The following RALA variants were observed in gnomAD, a reference collection of about 807,000 sequenced individuals.
RALA encodes RAS like proto-oncogene A.
Under a neutral mutation model 24.0 loss-of-function variants are expected in RALA, and 5 were observed. The ratio of observed to expected loss-of-function variants is 0.21; its 90% CI spans 0.11 to 0.44. The LOEUF is 0.44. RALA is among the 20% of genes least tolerant of loss of function. The probability of loss-of-function intolerance (pLI) is 0.99; values close to 1 mark genes in which losing one functional copy is unlikely to be tolerated. For missense variants in RALA, 95 were observed against 241.2 expected (o/e 0.39, Z 4.01); for synonymous variants, 77 against 83.8 (o/e 0.92, Z 0.44).
intron 3 of RALA, 27 bp downstream of exon 3, chr7:39,690,617 T>C: frequency 6.5e-7 from 1 of 1,534,726 alleles, no homozygotes; most frequent in Non-Finnish European, 8.9e-7. Context: ...TGTTGTTGCT[T>C]GTGACATACT....
intron 1 of RALA, among the ~76,000 whole-genome samples, chr7:39,625,749 A>G (rs921611165): frequency 1.3e-5 from 2 of 152,216 alleles, no homozygotes; most frequent in Admixed American, 6.5e-5. Flanking sequence ...CTTGTCTACC[A>G]TTTGTGAGGG....
At chr7:39,700,230 T>C (rs1793001399) in intron 4 of RALA, 1 of 152,284 alleles carries the variant, frequency 6.6e-6, no homozygotes, top group Non-Finnish European at 1.5e-5. Flanking sequence ...ATTCTGCTTA[T>C]ACATTCTGTG....
At chr7:39,679,745 C>T (rs1268177273) in intron 1 of RALA, among the ~76,000 whole-genome samples, 3 of 151,896 alleles carry the variant, frequency 2.0e-5, no homozygotes, top group Admixed American at 6.6e-5. Context: ...GACAGACTCT[C>T]TGTTGCCCAG....
intron 4 of RALA, chr7:39,700,864 A>G (rs1228871581): frequency 6.6e-6 from 1 of 152,240 alleles, no homozygotes; most frequent in Non-Finnish European, 1.5e-5. Flanking sequence ...TGATTACCAG[A>G]TAAAGTACCT....
chr7:39,700,321 T>C (rs1793002956), intron 4 of RALA: 1 of 152,184 alleles, frequency 6.6e-6, no homozygotes. Flanking sequence ...AAGCTTCAAG[T>C]CTAGGCACTG....
At chr7:39,701,078 A>T (rs1377111416) in intron 4 of RALA, 1 of 152,212 alleles carries the variant, frequency 6.6e-6, no homozygotes, top group African/African-American at 2.4e-5. Flanking sequence ...TCTGATGCTC[A>T]CTTTTTAGAC....
In RALA at chr7:39,651,223, A is replaced by G. The variant is rs993735266; in HGVS notation, c.-38+27398A>G. Reference sequence around the variant, plus strand: ...GTAAGCTAATATAAGTCTTCTGAGCATGTTCAGGGTAGGCTAGGTGTATTA... The same window carrying G: ...GTAAGCTAATATAAGTCTTCTGAGCGTGTTCAGGGTAGGCTAGGTGTATTA... On this transcript the variant is annotated intron_variant, in intron 1 of 4. Transcript: ENST00000005257. 1.5e-4 allele frequency among the ~76,000 whole-genome samples: 23 copies of G among 152,348 alleles called. 2 individuals carry two copies. The highest frequency in any genetic ancestry group is 1.5e-3 in the Admixed American group (23 of 15,300).
At chr7:39,629,111 T>G (rs1791547999) in intron 1 of RALA, among the ~76,000 whole-genome samples, 1 of 152,246 alleles carries the variant, frequency 6.6e-6, no homozygotes, top group Non-Finnish European at 1.5e-5. Flanking sequence ...GTTGGAGAGA[T>G]ACATCTTCAG....
chr7:39,692,392 A>T (rs1375175470), intron 3 of RALA, among the ~76,000 whole-genome samples: 2 of 152,186 alleles, frequency 1.3e-5, no homozygotes, highest in African/African-American at 4.8e-5. Context: ...TTTAGTAAAC[A>T]TTTGTCTTGA....
At position 39,631,702 on chromosome 7, in the gene RALA, T is replaced by G. The variant is rs975847657; in HGVS notation, c.-38+7877T>G. 4.6e-5 allele frequency among the ~76,000 whole-genome samples: 7 copies of G among 152,374 alleles called. No individual in the cohort carries two copies. The East Asian group carries it at 1.3e-3, about 29-fold the overall frequency. On this transcript the variant is annotated intron_variant, in intron 1 of 4. Coordinates refer to ENST00000005257, the MANE Select transcript of RALA (RefSeq NM_005402.4). ...TATCTTTTTTGTTGCTATTATAGTTTTCTTATCATTTATGTATTTTAACTG... is the reference window on the plus strand; with the variant it reads ...TATCTTTTTTGTTGCTATTATAGTTGTCTTATCATTTATGTATTTTAACTG...
intron 1 of RALA, among the ~76,000 whole-genome samples, chr7:39,667,358 A>G (rs1792302462): frequency 6.6e-6 from 1 of 152,232 alleles, no homozygotes; most frequent in African/African-American, 2.4e-5. Flanking sequence ...AAGACAGGAA[A>G]AAGAATTTAC....
intron 1 of RALA, among the ~76,000 whole-genome samples, chr7:39,630,081 G>C (rs956666183): frequency 6.6e-6 from 1 of 151,892 alleles, no homozygotes; most frequent in Non-Finnish European, 1.5e-5. Context: ...GACCCTCCAG[G>C]CTGGAGTGCA....
In RALA at chr7:39,635,021, G is replaced by T. The variant is rs1201463417; in HGVS notation, c.-38+11196G>T. Among the ~76,000 whole-genome samples the T allele has an allele frequency of 1.3e-5, 2 of 151,982 alleles. 1 individual carries two copies. Among genetic ancestry groups the T allele is most frequent in the East Asian group, 3.9e-4 (2 of 5,188 alleles). ...TTCTTTATAATAACAGATTTATTGG[G>T]ATATAATTCACATACCATAAAATTT... On this transcript the variant is annotated intron_variant, in intron 1 of 4. Transcript: ENST00000005257.
intron 1 of RALA, among the ~76,000 whole-genome samples, chr7:39,642,599 A>G (rs1387964637): frequency 6.6e-6 from 1 of 152,118 alleles, no homozygotes; most frequent in Admixed American, 6.6e-5. Context: ...TCCCCTCAAA[A>G]CTATCCAGCT....
intron 3 of RALA, among the ~76,000 whole-genome samples, chr7:39,696,027 A>G (rs1792913673): frequency 6.6e-6 from 1 of 152,208 alleles, no homozygotes; most frequent in Non-Finnish European, 1.5e-5. Flanking sequence ...TCCATTTTAT[A>G]GATGAGGAAA....
chr7:39,667,207 T>G (rs1208288927), intron 1 of RALA, among the ~76,000 whole-genome samples: 1 of 152,114 alleles, frequency 6.6e-6, no homozygotes. Context: ...TGTCTTGGAA[T>G]TTTTTTTATA....
rs1583749698 is a variant in RALA, at chr7:39,686,789, C to A, written c.114+8C>A. 4.4e-6 allele frequency: 7 copies of A among 1,594,932 alleles called. No homozygotes were observed. The Admixed American group carries it at 1.2e-4, about 27-fold the overall frequency. ...CAGTTCATGTACGATGAGGTAAGTG[C>A]TAATTTTATAATGGATCAAAGTTTA... On this transcript the variant is annotated splice_region_variant and intron_variant, in intron 2 of 4. Transcript: ENST00000005257.
rs114358438 is a variant in RALA at position 39,625,063 on chromosome 7, T to A, written c.-38+1238T>A. ...TAGGGCAGGAGCCATGTCCTACTTATGACTGTTTCTATGCAGTATGCCTTG... is the reference window on the plus strand; with the variant it reads ...TAGGGCAGGAGCCATGTCCTACTTAAGACTGTTTCTATGCAGTATGCCTTG... On this transcript the variant is annotated intron_variant, in intron 1 of 4. Transcript: ENST00000005257. Among the ~76,000 whole-genome samples, 166 of 152,356 alleles carry A rather than the reference T, an allele frequency of 1.1e-3. 1 individual carries two copies. The highest frequency in any genetic ancestry group is 3.6e-3 in the African/African-American group (149 of 41,594).
intron 1 of RALA, among the ~76,000 whole-genome samples, chr7:39,668,947 C>T (rs1377720101): frequency 3.3e-5 from 5 of 151,816 alleles, no homozygotes; most frequent in African/African-American, 1.2e-4. Flanking sequence ...AACCCCATCT[C>T]TACTAAAAAT....
Sources: allele counts gnomAD v4.1 joint callset (sites outside exome capture counted in the v4.1 genomes callset), GRCh38; gene constraint gnomAD v4.1.1; transcripts MANE v1.5; gene names NCBI Gene and HGNC (gene_info 2026-07-23, HGNC 2026-07-21).